ECE1: variants seen among roughly 807,000 people sequenced by gnomAD.
ECE1 encodes the protein endothelin-converting enzyme 1.
A neutral mutation model predicts 98.6 loss-of-function variants in ECE1; 35 were observed. The observed-to-expected ratio is 0.35, with a 90% CI of 0.27 to 0.47. The LOEUF (loss-of-function observed/expected upper bound fraction) is 0.47, where lower values mean the gene tolerates loss of function less well. Ranked by LOEUF, ECE1 falls within the 20% of genes least tolerant of loss-of-function variation. The probability of loss-of-function intolerance (pLI) is 1.00; values close to 1 mark genes in which losing one functional copy is unlikely to be tolerated. For missense variants in ECE1, 814 were observed against 1,025.3 expected (o/e 0.79, Z 2.81); for synonymous variants, 394 against 407.1 (o/e 0.97, Z 0.39).
intron 10 of ECE1, among the ~76,000 whole-genome samples, chr1:21,242,883 C>A (rs2098198315): frequency 6.6e-6 from 1 of 152,230 alleles, no homozygotes; most frequent in Non-Finnish European, 1.5e-5. Context: ...TGGGCTCAAG[C>A]AGTCCTCCTG....
At chr1:21,237,823 C>G (rs2098190291) in intron 11 of ECE1, among the ~76,000 whole-genome samples, 1 of 152,264 alleles carries the variant, frequency 6.6e-6, no homozygotes, top group Non-Finnish European at 1.5e-5. Context: ...TGGGCCAGAG[C>G]TGTTCTGCCA....
In ECE1 at chr1:21,260,636, C is replaced by G. The variant is rs1440132467; in HGVS notation, c.494-244G>C. Among the ~76,000 whole-genome samples, 1 of 152,188 alleles carries G rather than the reference C, an allele frequency of 6.6e-6. No individual in the cohort carries two copies. Among genetic ancestry groups the G allele is most frequent in the Non-Finnish European group, 1.5e-5 (1 of 68,036 alleles). On this transcript the variant is annotated intron_variant, in intron 4 of 18. Transcript: ENST00000374893. The surrounding 1 kb of genome is among the most constrained non-coding windows in gnomAD (Gnocchi z 4.3). ...CAAAGAAAAAGAATCGACCACGTTTCTCTCCCTCTGCCAGTTGGGTTCACA... is the reference window on the plus strand; with the variant it reads ...CAAAGAAAAAGAATCGACCACGTTTGTCTCCCTCTGCCAGTTGGGTTCACA...
At chr1:21,315,094 A>G (rs572554641) in intron 1 of ECE1, among the ~76,000 whole-genome samples, 1 of 152,224 alleles carries the variant, frequency 6.6e-6, no homozygotes, top group Admixed American at 6.5e-5. Flanking sequence ...TAAGACTGTC[A>G]CACTCATTAA....
chr1:21,285,349 C>A (rs2098259317), intron 2 of ECE1, among the ~76,000 whole-genome samples: 1 of 152,188 alleles, frequency 6.6e-6, no homozygotes, highest in African/African-American at 2.4e-5. Context: ...TGTTGCTGGG[C>A]AGTCTCTGGG....
chr1:21,221,789 C>T lies in ECE1; in HGVS notation c.2094G>A (p.Leu698=), dbSNP rs372226117. The T allele has an allele frequency of 6.2e-7, 1 of 1,614,216 alleles. No homozygotes were observed. The highest frequency in any genetic ancestry group is 8.5e-7 in the Non-Finnish European group (1 of 1,180,040). ...KNGAEHSLPT[L]GLTNNQLFFL... ...AGAAGAGCTGGTTATTGGTGAGGCC[C>T]AGGGTGGGGAGCGAGTGCTCAGCCC... Residue 698 remains leucine, a synonymous_variant, in exon 18 of 19, where the codon CTG becomes CTA. Transcript: ENST00000374893.
chr1:21,340,610 G>A lies in ECE1; in HGVS notation c.3+4766C>T, dbSNP rs1461945935. On this transcript the variant is annotated intron_variant, in intron 1 of 18. Transcript: ENST00000415912. This position sits in a 1 kb window ranked among gnomAD's most constrained non-coding sequence, Gnocchi z 4.6. ...TCCCAGCACTGTGGGAGGCTGAGGC[G>A]GGTGGATCACTTGAGGTCAGCAGTC... Among the ~76,000 whole-genome samples the A allele has an allele frequency of 2.0e-5, 3 of 152,110 alleles. No homozygotes were observed. Among genetic ancestry groups the A allele is most frequent in the Non-Finnish European group, 2.9e-5 (2 of 68,042 alleles).
chr1:21,260,382 C>T lies in ECE1; in HGVS notation c.504G>A (p.Thr168=), dbSNP rs13306313. The T allele has an allele frequency of 1.3e-3, 2,143 of 1,614,222 alleles. 17 individuals carry two copies. In the African/African-American group the frequency reaches 0.014, roughly 11 times the overall value. The change falls in exon 5 of 19, where the codon ACG becomes ACA. Residue 168 remains threonine, a synonymous_variant. Transcript: ENST00000374893. The surrounding 1 kb of genome is among the most constrained non-coding windows in gnomAD (Gnocchi z 4.3). ...AIIKHLLENS[T]ASVSEAERKA... ...TTCTCTCTGCCTCGCTCACGCTGGC[C>T]GTGGAGTTTTCTGGAACAACAGACA... is the stretch of plus-strand genomic sequence containing the variant.
At chr1:21,236,985 C>T in intron 11 of ECE1, 141 bp from the exon 12 acceptor site, 1 of 837,510 alleles carries the variant, frequency 1.2e-6, no homozygotes, top group Non-Finnish European at 2.0e-6. Flanking sequence ...GGAGCCACAG[C>T]TGTGCTTCCA....
chr1:21,263,059 G>A lies in ECE1; in HGVS notation c.494-2667C>T, dbSNP rs148356412. 1.4e-4 allele frequency among the ~76,000 whole-genome samples: 22 copies of A among 152,288 alleles called. No individual in the cohort carries two copies. The East Asian group carries it at 2.7e-3, about 19-fold the overall frequency. On this transcript the variant is annotated intron_variant, in intron 4 of 18. Coordinates refer to ENST00000374893, the MANE Select transcript of ECE1 (RefSeq NM_001397.3). ...TCCCAGAGGCCTTGAAGGGGAGGGC[G>A]GGAGGAGACCAGGGAAGCCAAGCAA...
intron 1 of ECE1, among the ~76,000 whole-genome samples, chr1:21,301,311 G>A (rs1262872962): frequency 2.6e-5 from 4 of 151,980 alleles, no homozygotes; most frequent in African/African-American, 4.8e-5. Flanking sequence ...TGGCTAACAC[G>A]GTGAAACCCC....
At chr1:21,255,910 C>G (rs752264861) in intron 8 of ECE1, 37 bp downstream of exon 8, 5 of 1,610,490 alleles carry the variant, frequency 3.1e-6, no homozygotes, top group Admixed American at 3.3e-5. Flanking sequence ...AACCTGGAGG[C>G]CATCCCAGCC....
At chr1:21,334,635 G>T (rs1157555053) in intron 1 of ECE1, among the ~76,000 whole-genome samples, 3 of 152,254 alleles carry the variant, frequency 2.0e-5, no homozygotes, top group Admixed American at 1.3e-4. Context: ...GTGGGAACTG[G>T]TCACTCTGGG....
chr1:21,275,966 C>A (rs191109468), intron 3 of ECE1, among the ~76,000 whole-genome samples: 1 of 149,640 alleles, frequency 6.7e-6, no homozygotes. Flanking sequence ...ATATCCTATG[C>A]GTTTTTATAT....
chr1:21,288,659 A>C (rs1021753777), intron 2 of ECE1, among the ~76,000 whole-genome samples: 2 of 152,254 alleles, frequency 1.3e-5, no homozygotes, highest in African/African-American at 4.8e-5. Flanking sequence ...ATGAGACTGA[A>C]AAACATTGCT....
At chr1:21,236,694 C>T in intron 12 of ECE1, 52 bp downstream of exon 12, 13 of 1,552,448 alleles carry the variant, frequency 8.4e-6, no homozygotes, top group Non-Finnish European at 9.8e-6. Flanking sequence ...CCACCCTCCT[C>T]TATCTGTGCT....
intron 7 of ECE1, 81 bp from the exon 8 acceptor site, chr1:21,256,219 C>G (rs192258674): frequency 5.4e-6 from 8 of 1,486,478 alleles, no homozygotes; most frequent in Non-Finnish European, 7.2e-6. Context: ...GCTTGGCCAG[C>G]CAAGTCCGGC....
At chr1:21,268,410 G>A (rs1351612351) in intron 4 of ECE1, among the ~76,000 whole-genome samples, 1 of 152,214 alleles carries the variant, frequency 6.6e-6, no homozygotes, top group Non-Finnish European at 1.5e-5. Flanking sequence ...TGCAGCTGAG[G>A]TCAGCATCCC....
chr1:21,312,403 C>T (rs1261889287), intron 1 of ECE1, among the ~76,000 whole-genome samples: 2 of 151,746 alleles, frequency 1.3e-5, no homozygotes, highest in Non-Finnish European at 2.9e-5. Context: ...TGCATCCCTG[C>T]ACTCCAGCCT....
intron 2 of ECE1, among the ~76,000 whole-genome samples, chr1:21,284,726 C>T (rs2103350582): frequency 6.6e-6 from 1 of 152,320 alleles, no homozygotes; most frequent in East Asian, 1.9e-4. Context: ...GCCCACGAGA[C>T]AAGCCGGGAG....
Sources: allele counts gnomAD v4.1 joint callset (sites outside exome capture counted in the v4.1 genomes callset), GRCh38; gene constraint gnomAD v4.1.1; non-coding constraint Gnocchi (gnomAD v3.1); transcripts MANE v1.5; gene names NCBI Gene and HGNC (gene_info 2026-07-23, HGNC 2026-07-21).